The following PGBD5 variants were observed in gnomAD, a reference collection of about 807,000 sequenced individuals.
The protein encoded by PGBD5 is piggyBac transposable element-derived protein 5.
In PGBD5, 14 loss-of-function variants were observed where a neutral mutation model predicts 47.9. The ratio of observed to expected loss-of-function variants is 0.29; its 90% CI spans 0.19 to 0.46. The LOEUF is 0.46. Ranked by LOEUF, PGBD5 falls within the 20% of genes least tolerant of loss-of-function variation. The pLI is 1.00. For synonymous variants in PGBD5, 316 were observed against 306.3 expected (o/e 1.03, Z -0.33); for missense variants, 635 against 716.0 (o/e 0.89, Z 1.29).
chr1:230,414,121 G>A (rs953296570), intron 1 of PGBD5, among the ~76,000 whole-genome samples: 1 of 152,194 alleles, frequency 6.6e-6, no homozygotes, highest in Admixed American at 6.5e-5. Context: ...GAGCCCACCA[G>A]AGACAGTACA....
Position 230,318,277 on chromosome 1 carries a change from G to A in PGBD5, c.*5148C>T, listed in dbSNP as rs1666980121. 6.6e-6 allele frequency: 1 copy of A among 152,238 alleles called. No homozygotes were observed. Among genetic ancestry groups the A allele is most frequent in the South Asian group, 2.1e-4 (1 of 4,826 alleles). 9.4% of individuals were successfully genotyped at this position (152,238 alleles called of 1,614,324 possible). A position where few individuals can be genotyped will look rare whatever the true frequency, so the allele number is the denominator to read the frequency against. On this transcript the variant is annotated 3_prime_UTR_variant, in exon 7 of 7. Coordinates refer to ENST00000391860, the MANE Select transcript of PGBD5 (RefSeq NM_001258311.2). ...TGGGAGAGAATAACATACCTGCAAA[G>A]AAGGCTGAGAAATATTCTCGAAGAT...
chr1:230,324,569 G>A (rs1667086457), intron 6 of PGBD5, among the ~76,000 whole-genome samples: 1 of 152,174 alleles, frequency 6.6e-6, no homozygotes, highest in African/African-American at 2.4e-5. Flanking sequence ...AGGCCAGGAA[G>A]TACAGGTTAC....
rs1667062237 is a variant in PGBD5, at chr1:230,323,171, G to T, written c.*254C>A. 2 of 488,028 alleles carry T rather than the reference G, an allele frequency of 4.1e-6. No homozygotes were observed. The highest frequency in any genetic ancestry group is 7.3e-6 in the Non-Finnish European group (2 of 274,170). The allele number at this position is 488,028 out of a possible 1,614,324, so 30.2% of individuals were successfully genotyped here. A position where few individuals can be genotyped will look rare whatever the true frequency, so the allele number is the denominator to read the frequency against. The stretch of plus-strand genomic sequence containing the variant: ...GGATGTCATGAGAGAATCTGCCCTT[G>T]AGAACGTGGGTGTAAGTGCTCATCA... On this transcript the variant is annotated 3_prime_UTR_variant, in exon 7 of 7. Coordinates refer to ENST00000391860, the MANE Select transcript of PGBD5 (RefSeq NM_001258311.2). This position sits in a 1 kb window ranked among gnomAD's most constrained non-coding sequence, Gnocchi z 4.1.
chr1:230,371,963 T>A (rs1283122077), intron 1 of PGBD5, among the ~76,000 whole-genome samples: 1 of 152,086 alleles, frequency 6.6e-6, no homozygotes, highest in Non-Finnish European at 1.5e-5. Flanking sequence ...TAGTTGGGAA[T>A]GGAAGAGGAG....
chr1:230,409,523 G>C (rs566881530), intron 1 of PGBD5, among the ~76,000 whole-genome samples: 2 of 152,110 alleles, frequency 1.3e-5, no homozygotes, highest in African/African-American at 2.4e-5. Flanking sequence ...ACAAGAAAAA[G>C]GACTGAAATA....
At position 230,390,057 on chromosome 1, in the gene PGBD5, C is replaced by A. The variant is rs554611179; in HGVS notation, c.332-32736G>T. ...GAGAACACAGCTCTGGAGTTAGAGGCTGCCAGTCAGATTGGGATAGGACCC... is the reference window on the plus strand; with the variant it reads ...GAGAACACAGCTCTGGAGTTAGAGGATGCCAGTCAGATTGGGATAGGACCC... On this transcript the variant is annotated intron_variant, in intron 1 of 6. Transcript: ENST00000391860. Among the ~76,000 whole-genome samples the A allele has an allele frequency of 7.9e-5, 12 of 152,332 alleles. No individual in the cohort carries two copies. The South Asian group carries it at 2.5e-3, about 32-fold the overall frequency.
chr1:230,418,657 T>C (rs1657578064), intron 1 of PGBD5, among the ~76,000 whole-genome samples: 1 of 152,140 alleles, frequency 6.6e-6, no homozygotes, highest in South Asian at 2.1e-4. Flanking sequence ...GCTAATTTTT[T>C]AGAATATTTT....
In PGBD5 at chr1:230,372,051, T is replaced by C. The variant is rs942034363; in HGVS notation, c.332-14730A>G. ...CTCAGTGGCCCGTATCATCTAAGCG[T>C]TCCAATACAGTGCAAGTGATAGCAA... On this transcript the variant is annotated intron_variant, in intron 1 of 6. Coordinates refer to ENST00000391860, the MANE Select transcript of PGBD5 (RefSeq NM_001258311.2). Among the ~76,000 whole-genome samples the C allele has an allele frequency of 3.3e-5, 5 of 152,276 alleles. No homozygotes were observed. In the Middle Eastern group the frequency reaches 0.01, roughly 311 times the overall value.
rs1404958646 is a variant in PGBD5 at position 230,425,359 on chromosome 1, G to A, written c.331+239C>T. Among the ~76,000 whole-genome samples, 1 of 152,194 alleles carries A rather than the reference G, an allele frequency of 6.6e-6. No individual in the cohort carries two copies. The highest frequency in any genetic ancestry group is 1.5e-5 in the Non-Finnish European group (1 of 68,032). On this transcript the variant is annotated intron_variant, in intron 1 of 6. Transcript: ENST00000391860. The surrounding 1 kb of genome is among the most constrained non-coding windows in gnomAD (Gnocchi z 4.7). ...CCAGGAAGTGAAGGAAAAGGTCCCCGACGACATTGTCACTGGAAAAGTGCT... is the reference window on the plus strand; with the variant it reads ...CCAGGAAGTGAAGGAAAAGGTCCCCAACGACATTGTCACTGGAAAAGTGCT...
chr1:230,398,444 C>T (rs11122503), intron 1 of PGBD5, among the ~76,000 whole-genome samples: 5 of 152,064 alleles, frequency 3.3e-5, no homozygotes, highest in African/African-American at 1.2e-4. Flanking sequence ...TAGGGCCCAC[C>T]CATATGATTT....
rs986087320 is a variant in PGBD5 at position 230,317,735 on chromosome 1, C to T, written c.*5690G>A. ...AGGGAAGCCGCACACACTCCTCCAT[C>T]GTCTTCCTAGGTCTTTCACACAAGC... is the stretch of plus-strand genomic sequence containing the variant. On this transcript the variant is annotated 3_prime_UTR_variant, in exon 7 of 7. Transcript: ENST00000391860. 1 of 152,192 alleles carries T rather than the reference C, an allele frequency of 6.6e-6. No homozygotes were observed. The highest frequency in any genetic ancestry group is 1.5e-5 in the Non-Finnish European group (1 of 68,050). The allele number at this position is 152,192 out of a possible 1,614,324, so 9.4% of individuals were successfully genotyped here.
At chr1:230,404,925 C>CAAAAAA (rs57462323) in intron 1 of PGBD5, among the ~76,000 whole-genome samples, 1 of 66,200 alleles carries the variant, frequency 1.5e-5, no homozygotes, top group Admixed American at 1.6e-4. Flanking sequence ...AACTCCATCT[C>CAAAAAA]AAAAAAAAAA....
chr1:230,320,539 G>A lies in PGBD5; in HGVS notation c.*2886C>T, dbSNP rs1485838433. 3 of 152,158 alleles carry A rather than the reference G, an allele frequency of 2.0e-5. No homozygotes were observed. The highest frequency in any genetic ancestry group is 7.2e-5 in the African/African-American group (3 of 41,406). The allele number at this position is 152,158 out of a possible 1,614,324, so 9.4% of individuals were successfully genotyped here. On this transcript the variant is annotated 3_prime_UTR_variant, in exon 7 of 7. Coordinates refer to ENST00000391860, the MANE Select transcript of PGBD5 (RefSeq NM_001258311.2). ...CTTAGTGGCTGGATCTGAGTGGAAT[G>A]GGCTCTCACTTGCCATGTGTGCAGT... is the stretch of plus-strand genomic sequence containing the variant.
chr1:230,363,535 T>C (rs746736106), intron 1 of PGBD5, among the ~76,000 whole-genome samples: 111 of 151,892 alleles, frequency 7.3e-4, no homozygotes, highest in Middle Eastern at 3.4e-3. Context: ...TGAGCCAAGA[T>C]TGCACCACTG....
chr1:230,369,617 C>CGA (rs3041460), intron 1 of PGBD5, among the ~76,000 whole-genome samples: 96,185 of 151,814 alleles, frequency 0.63, 31,772 homozygotes, highest in Non-Finnish European at 0.74. Context: ...GTGCTTACTC[C>CGA]GTGTCTGTGT....
intron 1 of PGBD5, among the ~76,000 whole-genome samples, chr1:230,374,141 A>G (rs1667976134): frequency 6.6e-6 from 1 of 152,228 alleles, no homozygotes; most frequent in Non-Finnish European, 1.5e-5. Context: ...ACTTTTGGCC[A>G]GGCAGGGTGG....
chr1:230,357,028 C>T lies in PGBD5; in HGVS notation c.625G>A (p.Glu209Lys), dbSNP rs1234936958. ...ACGTGGAAGTACTTGAGGATCTTCT[C>T]GAAGCGGGCCTGGCTCATGACGAGG... ...LALVMSQARF[E>K]KILKYFHVVA... The change falls in exon 2 of 7, where the codon GAG becomes AAG. Residue 209 changes from glutamate (E) to lysine (K), a missense_variant. Glu to Lys is a moderately conservative substitution (Grantham distance 56). Transcript: ENST00000391860. This position sits in a 1 kb window ranked among gnomAD's most constrained non-coding sequence, Gnocchi z 5.7. 6 of 1,614,154 alleles carry T rather than the reference C, an allele frequency of 3.7e-6. No individual in the cohort carries two copies. The highest frequency in any genetic ancestry group is 1.7e-5 in the Admixed American group (1 of 60,032).
At chr1:230,360,509 T>C (rs1459530158) in intron 1 of PGBD5, among the ~76,000 whole-genome samples, 1 of 152,188 alleles carries the variant, frequency 6.6e-6, no homozygotes, top group East Asian at 1.9e-4. Context: ...GAGGTGACTG[T>C]ATCATGGGGG....
intron 1 of PGBD5, among the ~76,000 whole-genome samples, chr1:230,400,595 G>A (rs1168546841): frequency 6.6e-6 from 1 of 152,208 alleles, no homozygotes; most frequent in Non-Finnish European, 1.5e-5. Context: ...AAGAACAGTA[G>A]CAGGAGAAGT....
Sources: allele counts gnomAD v4.1 joint callset (sites outside exome capture counted in the v4.1 genomes callset), GRCh38; gene constraint gnomAD v4.1.1; non-coding constraint Gnocchi (gnomAD v3.1); transcripts MANE v1.5; gene names NCBI Gene and HGNC (gene_info 2026-07-23, HGNC 2026-07-21).